The following RSBN1L variants were observed in gnomAD, a reference collection of about 807,000 sequenced individuals.
RSBN1L encodes round spermatid basic protein 1 like, also known as lysine-specific demethylase RSBN1L.
RSBN1L carries 30 observed loss-of-function variants against 67.7 expected under a neutral mutation model. The observed-to-expected ratio is 0.44, with a 90% CI of 0.33 to 0.60. The LOEUF is 0.60. Among genes scored for constraint, RSBN1L ranks in the 20% least tolerant of loss-of-function variants. The probability of loss-of-function intolerance (pLI) is 0.02; values close to 1 mark genes in which losing one functional copy is unlikely to be tolerated. For synonymous variants in RSBN1L, 433 were observed against 387.0 expected, an observed-to-expected ratio of 1.12 and a Z score of -1.39; for missense variants, 992 against 1,031.7, an observed-to-expected ratio of 0.96 and a Z score of 0.53.
chr7:77,730,543 C>G lies in RSBN1L; in HGVS notation c.587-5867C>G, dbSNP rs563853097. 2.0e-5 allele frequency among the ~76,000 whole-genome samples: 3 copies of G among 152,292 alleles called. No homozygotes were observed. In the South Asian group the frequency reaches 6.2e-4, roughly 32 times the overall value. ...AATTGTCTTAAAAATCCTTTGTGCT[C>G]TGCCTATTCATCCCTCCTCCCCACT... On this transcript the variant is annotated intron_variant, in intron 1 of 7. Coordinates refer to ENST00000334955, the MANE Select transcript of RSBN1L (RefSeq NM_198467.3).
intron 1 of RSBN1L, among the ~76,000 whole-genome samples, chr7:77,702,111 G>A (rs1428170282): frequency 1.3e-5 from 2 of 151,890 alleles, no homozygotes; most frequent in Admixed American, 6.6e-5. Context: ...GACTACAGGC[G>A]CACACCACCA....
intron 1 of RSBN1L, among the ~76,000 whole-genome samples, chr7:77,700,630 CAG>C (rs1221290916): frequency 1.3e-5 from 2 of 152,204 alleles, no homozygotes; most frequent in African/African-American, 4.8e-5. Flanking sequence ...AATTCATATT[CAG>C]AGTTTTTATC....
At chr7:77,718,435 T>C (rs1034765310) in intron 1 of RSBN1L, among the ~76,000 whole-genome samples, 2 of 152,056 alleles carry the variant, frequency 1.3e-5, no homozygotes, top group African/African-American at 4.8e-5. Context: ...GGACTACAAG[T>C]GCACGACCAC....
intron 1 of RSBN1L, among the ~76,000 whole-genome samples, chr7:77,698,045 A>G (rs1199753913): frequency 6.6e-6 from 1 of 152,228 alleles, no homozygotes; most frequent in East Asian, 1.9e-4. Flanking sequence ...TTTGTTTTTT[A>G]GAAAAAGAAA....
At chr7:77,730,428 A>G (rs1791258852) in intron 1 of RSBN1L, among the ~76,000 whole-genome samples, 1 of 152,204 alleles carries the variant, frequency 6.6e-6, no homozygotes, top group Non-Finnish European at 1.5e-5. Context: ...TCTATCATTT[A>G]CATTAGGAGT....
chr7:77,738,781 C>G (rs1276949935), intron 2 of RSBN1L, among the ~76,000 whole-genome samples: 1 of 151,948 alleles, frequency 6.6e-6, no homozygotes, highest in Non-Finnish European at 1.5e-5. Flanking sequence ...AACCCCATCT[C>G]TACTAAAAAA....
chr7:77,713,855 A>G (rs760616220), intron 1 of RSBN1L, among the ~76,000 whole-genome samples: 21 of 152,162 alleles, frequency 1.4e-4, no homozygotes, highest in African/African-American at 4.1e-4. Context: ...GTTCATAACA[A>G]TATTTTCTTA....
intron 6 of RSBN1L, among the ~76,000 whole-genome samples, chr7:77,775,238 A>T (rs532034063): frequency 3.0e-4 from 46 of 152,216 alleles, no homozygotes; most frequent in African/African-American, 1.1e-3. Context: ...TAATTTTTTA[A>T]AAAAAGGAGA....
chr7:77,733,430 C>T (rs7777204), intron 1 of RSBN1L, among the ~76,000 whole-genome samples: 2,947 of 152,226 alleles, frequency 0.019, 84 homozygotes, highest in African/African-American at 0.066. Context: ...ATGTTTTTCA[C>T]ATAATAACTT....
chr7:77,721,906 AG>A (rs1369808340), intron 1 of RSBN1L, among the ~76,000 whole-genome samples: 27 of 152,208 alleles, frequency 1.8e-4, no homozygotes, highest in African/African-American at 5.8e-4. Flanking sequence ...CTTGGTGGAA[AG>A]GAAAGAAACT....
chr7:77,720,434 C>A (rs891531123), intron 1 of RSBN1L, among the ~76,000 whole-genome samples: 2 of 152,082 alleles, frequency 1.3e-5, no homozygotes, highest in Admixed American at 6.6e-5. Context: ...GTGCTGCATG[C>A]CCGTAATCCC....
intron 1 of RSBN1L, among the ~76,000 whole-genome samples, chr7:77,712,584 T>C (rs1302417123): frequency 3.9e-5 from 6 of 152,304 alleles, no homozygotes; most frequent in Non-Finnish European, 8.8e-5. Flanking sequence ...TGGCCACATA[T>C]GTGATTTTTT....
Position 77,723,925 on chromosome 7 carries a change from ACT to A in RSBN1L, c.587-12482_587-12481del, listed in dbSNP as rs528950479. ...CTCCAGCCTGGGACACAAGAGTGAA[ACT>A]CTGTCTCAAAAAAAAAATTTTTTTT... On this transcript the variant is annotated intron_variant, in intron 1 of 7. Transcript: ENST00000334955. Among the ~76,000 whole-genome samples the A allele has an allele frequency of 2.5e-3, 360 of 145,726 alleles. 2 individuals are homozygous for A. Among genetic ancestry groups the A allele is most frequent in the African/African-American group, 9.0e-3 (340 of 37,674 alleles).
intron 3 of RSBN1L, among the ~76,000 whole-genome samples, chr7:77,755,050 A>G (rs949009850): frequency 2.0e-5 from 3 of 152,222 alleles, no homozygotes; most frequent in Admixed American, 6.5e-5. Context: ...GGATCAGCCT[A>G]CATACTGCTG....
At chr7:77,743,854 A>C (rs976348138) in intron 2 of RSBN1L, among the ~76,000 whole-genome samples, 12 of 150,452 alleles carry the variant, frequency 8.0e-5, no homozygotes, top group African/African-American at 2.9e-4. Context: ...TGATTGTTTC[A>C]TCTTTCATTT....
intron 3 of RSBN1L, among the ~76,000 whole-genome samples, chr7:77,763,425 C>T (rs1215834984): frequency 6.6e-6 from 1 of 152,188 alleles, no homozygotes; most frequent in Non-Finnish European, 1.5e-5. Context: ...ATCTCAGAAT[C>T]ACTTAACAGA....
chr7:77,734,785 G>A (rs915496182), intron 1 of RSBN1L, among the ~76,000 whole-genome samples: 2 of 152,008 alleles, frequency 1.3e-5, no homozygotes, highest in Admixed American at 1.3e-4. Context: ...CACCGCGCCC[G>A]GCCTGGAGTA....
At chr7:77,763,493 T>G (rs1007179709) in intron 3 of RSBN1L, among the ~76,000 whole-genome samples, 5 of 152,242 alleles carry the variant, frequency 3.3e-5, no homozygotes, top group Admixed American at 6.5e-5. Context: ...CCTTAGCTTC[T>G]TTGATAGACT....
In RSBN1L at chr7:77,749,954, CCTGA is replaced by C; in HGVS notation, c.1237_1240del (p.Asp413PhefsTer2). 6.2e-7 allele frequency: 1 copy of C among 1,613,966 alleles called. No homozygotes were observed. The highest frequency in any genetic ancestry group is 8.5e-7 in the Non-Finnish European group (1 of 1,179,932). On this transcript the variant is annotated frameshift_variant, in exon 3 of 8. Coordinates refer to ENST00000334955, the MANE Select transcript of RSBN1L (RefSeq NM_198467.3). LOFTEE classifies it high-confidence loss of function. ...TGTTCATGGGGCAGCTACTTATTTA[CCTGA>C]CTTTTTAGACTATTTTTCATTTAAT...
Sources: allele counts gnomAD v4.1 joint callset (sites outside exome capture counted in the v4.1 genomes callset), GRCh38; gene constraint gnomAD v4.1.1; transcripts MANE v1.5; gene names NCBI Gene and HGNC (gene_info 2026-07-23, HGNC 2026-07-21).